DNAH6: variants seen among roughly 807,000 people sequenced by gnomAD.
DNAH6 encodes the protein dynein axonemal heavy chain 6.
In DNAH6, 340 loss-of-function variants were observed where a neutral mutation model predicts 491.4. The observed-to-expected ratio is 0.69, with a 90% CI of 0.63 to 0.76. The LOEUF (loss-of-function observed/expected upper bound fraction) is 0.76, where lower values mean the gene tolerates loss of function less well. Among genes scored for constraint, DNAH6 ranks in the 30% least tolerant of loss-of-function variants. The pLI is 0.00. For synonymous variants in DNAH6, 1,603 were observed against 1,686.1 expected (o/e 0.95, Z 1.21); for missense variants, 4,443 against 4,972.2 (o/e 0.89, Z 3.20).
At chr2:84,655,408 C>G (rs1690857505) in intron 35 of DNAH6, among the ~76,000 whole-genome samples, 1 of 152,116 alleles carries the variant, frequency 6.6e-6, no homozygotes, top group South Asian at 2.1e-4. Flanking sequence ...GAATTTTCCT[C>G]TTTAGCTTAG....
rs556037359 is a variant in DNAH6 at position 84,797,519 on chromosome 2, C to G, written c.11360-18C>G. On this transcript the variant is annotated intron_variant, in intron 69 of 76. Transcript: ENST00000389394. Reference sequence around the variant, plus strand: ...AGTCTATTTGAGACATATTTGTCTTCTGTGTTTTTAATAACAGGCATCTAT... The same window carrying G: ...AGTCTATTTGAGACATATTTGTCTTGTGTGTTTTTAATAACAGGCATCTAT... 4.5e-6 allele frequency: 7 copies of G among 1,547,960 alleles called. No individual in the cohort carries two copies. The Admixed American group carries it at 1.4e-4, about 31-fold the overall frequency.
chr2:84,785,884 CAA>C, intron 67 of DNAH6, 128 bp downstream of exon 67: 1 of 1,001,286 alleles, frequency 1.0e-6, no homozygotes, highest in East Asian at 2.9e-5. Flanking sequence ...TGTCTGAACC[CAA>C]GTTGTTTTCA....
At chr2:84,762,633 A>G in intron 63 of DNAH6, 122 bp from the exon 64 acceptor site, 1 of 665,602 alleles carries the variant, frequency 1.5e-6, no homozygotes, top group East Asian at 2.7e-5. Context: ...TGTATACCCA[A>G]TCAAGACAGA....
chr2:84,731,430 C>T (rs769134794), intron 61 of DNAH6, among the ~76,000 whole-genome samples: 6 of 152,208 alleles, frequency 3.9e-5, no homozygotes, highest in Non-Finnish European at 8.8e-5. Context: ...GTCCCAGCTC[C>T]TAAGATAGTA....
At chr2:84,610,403 A>G (rs1686210024) in intron 21 of DNAH6, among the ~76,000 whole-genome samples, 1 of 152,132 alleles carries the variant, frequency 6.6e-6, no homozygotes, top group Admixed American at 6.6e-5. Context: ...ACTCAAGGGG[A>G]GAGGATTACA....
intron 40 of DNAH6, among the ~76,000 whole-genome samples, chr2:84,673,302 T>C (rs1304345754): frequency 1.3e-5 from 2 of 152,116 alleles, no homozygotes; most frequent in African/African-American, 4.8e-5. Context: ...ATCCTGTAAG[T>C]GCTGAGGAGC....
intron 20 of DNAH6, among the ~76,000 whole-genome samples, chr2:84,606,726 T>C (rs1461071798): frequency 6.6e-6 from 1 of 152,100 alleles, no homozygotes; most frequent in African/African-American, 2.4e-5. Flanking sequence ...CAAAAACTTG[T>C]GCCATTATTA....
Position 84,808,562 on chromosome 2 carries a change from T to G in DNAH6, c.11739+20T>G. 1 of 1,550,810 alleles carries G rather than the reference T, an allele frequency of 6.4e-7. No individual in the cohort carries two copies. The highest frequency in any genetic ancestry group is 1.2e-5 in the South Asian group (1 of 84,038). Reference sequence around the variant, plus strand: ...ATTCATGTATGAGAGCTTACTTTCATCATTGCTATTGAGCATCAAAGCTTT... The same window carrying G: ...ATTCATGTATGAGAGCTTACTTTCAGCATTGCTATTGAGCATCAAAGCTTT... On this transcript the variant is annotated intron_variant, in intron 72 of 76. Coordinates refer to ENST00000389394, the MANE Select transcript of DNAH6 (RefSeq NM_001370.2).
At position 84,546,127 on chromosome 2, in the gene DNAH6, A is replaced by G. The variant is rs149944159; in HGVS notation, c.931-1141A>G. 6.2e-3 allele frequency among the ~76,000 whole-genome samples: 936 copies of G among 152,176 alleles called. 11 individuals carry two copies. The highest frequency in any genetic ancestry group is 0.024 in the Middle Eastern group (7 of 294). On this transcript the variant is annotated intron_variant, in intron 5 of 76. Transcript: ENST00000389394. The stretch of plus-strand genomic sequence containing the variant: ...ATAGGCAACCACTAATCTACTTTCT[A>G]TCTCCATAGAGTGGCCTGTTCTGTA...
rs73945129 is a variant in DNAH6, at chr2:84,583,974, A to G, written c.2230-25A>G. Reference sequence around the variant, plus strand: ...CTAAACTAGGATTCTGCTACATTTAATGAGCAAACTATGTTTCCATTTAGA... The same window carrying G: ...CTAAACTAGGATTCTGCTACATTTAGTGAGCAAACTATGTTTCCATTTAGA... On this transcript the variant is annotated intron_variant, in intron 14 of 76. Transcript: ENST00000389394. 2,210 of 1,609,428 alleles carry G rather than the reference A, an allele frequency of 1.4e-3. 30 individuals carry two copies. The African/African-American group carries it at 0.027, about 20-fold the overall frequency.
the DNAH6 span, among the ~76,000 whole-genome samples, chr2:84,466,258 C>T: frequency 1.3e-5 from 2 of 152,324 alleles, no homozygotes; most frequent in Non-Finnish European, 2.9e-5. Flanking sequence ...CTCTACAAGT[C>T]AAGTTTGATT....
At chr2:84,502,805 A>G in the DNAH6 span, among the ~76,000 whole-genome samples, 1 of 152,176 alleles carries the variant, frequency 6.6e-6, no homozygotes. Context: ...TGATGTAAGT[A>G]TAGCAACTGC....
At chr2:84,762,413 A>G (rs574473176) in intron 63 of DNAH6, among the ~76,000 whole-genome samples, 3 of 152,374 alleles carry the variant, frequency 2.0e-5, no homozygotes, top group South Asian at 2.1e-4. Context: ...TAATGCAGAA[A>G]GAGACAATGG....
intron 2 of DNAH6, among the ~76,000 whole-genome samples, chr2:84,522,119 T>C (rs1268909612): frequency 2.0e-5 from 3 of 152,168 alleles, no homozygotes; most frequent in Non-Finnish European, 4.4e-5. Context: ...TGGAATGTTT[T>C]TTCATTTGTT....
chr2:84,536,568 CAAAG>C (rs3029873), intron 4 of DNAH6, among the ~76,000 whole-genome samples: 136,132 of 151,758 alleles, frequency 0.9, 61,378 homozygotes, highest in East Asian at 0.99. Flanking sequence ...AACACTGCAT[CAAAG>C]AAAGACAAGT....
At position 84,796,524 on chromosome 2, in the gene DNAH6, A is replaced by G. The variant is rs1172393526; in HGVS notation, c.11359+99A>G. 1.6e-5 allele frequency: 17 copies of G among 1,076,938 alleles called. No individual in the cohort carries two copies. In the East Asian group the frequency reaches 4.7e-4, roughly 30 times the overall value. 66.7% of individuals were successfully genotyped at this position (1,076,938 alleles called of 1,614,324 possible). A position where few individuals can be genotyped will look rare whatever the true frequency, so the allele number is the denominator to read the frequency against. On this transcript the variant is annotated intron_variant, in intron 69 of 76. Coordinates refer to ENST00000389394, the MANE Select transcript of DNAH6 (RefSeq NM_001370.2). ...CAGGGGCTGTCTGTGTCAGGTCTCC[A>G]CAACGCTGTTATAGCCACACCCTAT...
intron 30 of DNAH6, among the ~76,000 whole-genome samples, chr2:84,635,975 C>A (rs569072716): frequency 6.6e-6 from 1 of 152,288 alleles, no homozygotes; most frequent in South Asian, 2.1e-4. Flanking sequence ...TGACCCATCA[C>A]TATTAATCCC....
intron 18 of DNAH6, among the ~76,000 whole-genome samples, chr2:84,597,607 GAT>G (rs1684726904): frequency 6.6e-6 from 1 of 152,178 alleles, no homozygotes; most frequent in African/African-American, 2.4e-5. Context: ...TCTGCTCCCA[GAT>G]ATATGGCCAA....
At chr2:84,785,419 T>C (rs1313061169) in intron 66 of DNAH6, among the ~76,000 whole-genome samples, 191 bp from the exon 67 acceptor site, 2 of 152,188 alleles carry the variant, frequency 1.3e-5, no homozygotes, top group African/African-American at 4.8e-5. Context: ...AACCTGCCAT[T>C]CCCTATTCTC....
Sources: gnomAD v4.1 joint callset for allele counts (sites outside exome capture counted in the v4.1 genomes callset) on GRCh38, gnomAD v4.1.1 for gene constraint, MANE v1.5 for transcripts, NCBI Gene and HGNC (gene_info 2026-07-23, HGNC 2026-07-21) for gene names.